Variants in CTDSPL2 observed in about 807,000 individuals in gnomAD.
CTDSPL2 encodes the protein CTD small phosphatase-like protein 2.
Under a neutral mutation model 60.0 loss-of-function variants are expected in CTDSPL2, and 5 were observed. The ratio of observed to expected loss-of-function variants is 0.08; its 90% CI spans 0.04 to 0.18. The LOEUF is 0.18. Among genes scored for constraint, CTDSPL2 ranks in the 10% least tolerant of loss-of-function variants. The pLI is 1.00. For missense variants in CTDSPL2, 370 were observed against 548.8 expected, an observed-to-expected ratio of 0.67 and a Z score of 3.26; for synonymous variants, 186 against 189.3, an observed-to-expected ratio of 0.98 and a Z score of 0.14.
chr15:44,523,083 G>A (rs2081810644), intron 12 of CTDSPL2, among the ~76,000 whole-genome samples: 1 of 151,938 alleles, frequency 6.6e-6, no homozygotes, highest in Non-Finnish European at 1.5e-5. Context: ...TGCAGCCTCC[G>A]CCTCCCATGT....
chr15:44,489,191 T>A (rs906604585), intron 4 of CTDSPL2, among the ~76,000 whole-genome samples: 2 of 136,964 alleles, frequency 1.5e-5, no homozygotes, highest in African/African-American at 5.3e-5. Context: ...TCTGTGTCTC[T>A]GTTTTATTTG....
intron 7 of CTDSPL2, among the ~76,000 whole-genome samples, chr15:44,498,297 G>A (rs1032014706): frequency 5.9e-5 from 9 of 152,244 alleles, no homozygotes; most frequent in African/African-American, 2.2e-4. Context: ...TTGGAGATGT[G>A]GTTTAGCTCT....
At chr15:44,464,334 C>T (rs901235093) in intron 2 of CTDSPL2, among the ~76,000 whole-genome samples, 18 of 152,196 alleles carry the variant, frequency 1.2e-4, no homozygotes, top group East Asian at 1.9e-4. Flanking sequence ...TAATAACTTG[C>T]GCAAAGTTAC....
chr15:44,513,641 G>A (rs2081603497), intron 8 of CTDSPL2, among the ~76,000 whole-genome samples: 1 of 152,120 alleles, frequency 6.6e-6, no homozygotes, highest in Non-Finnish European at 1.5e-5. Context: ...GCTACCACAA[G>A]GTGTTTGGTT....
chr15:44,486,767 T>C (rs1412443931), intron 4 of CTDSPL2, 67 bp downstream of exon 4: 1 of 1,252,766 alleles, frequency 8.0e-7, no homozygotes, highest in African/African-American at 1.6e-5. Flanking sequence ...GGTTTTTTTT[T>C]TTTTTTTTTC....
chr15:44,513,997 C>T (rs960890000), intron 8 of CTDSPL2, among the ~76,000 whole-genome samples: 18 of 152,120 alleles, frequency 1.2e-4, no homozygotes, highest in Non-Finnish European at 2.5e-4. Context: ...ATTTTAATCT[C>T]AAGTAGCCAA....
intron 1 of CTDSPL2, among the ~76,000 whole-genome samples, chr15:44,458,658 A>G (rs1228630406): frequency 6.6e-6 from 1 of 152,212 alleles, no homozygotes; most frequent in Non-Finnish European, 1.5e-5. Context: ...TATTTGTCGA[A>G]CGAACGATTA....
At chr15:44,494,909 C>G (rs117474893) in intron 5 of CTDSPL2, among the ~76,000 whole-genome samples, 2,923 of 152,240 alleles carry the variant, frequency 0.019, 36 homozygotes, top group Middle Eastern at 0.031. Flanking sequence ...GATTGAGACT[C>G]CGCCTCAACA....
chr15:44,484,611 A>T (rs1240403609), intron 3 of CTDSPL2, among the ~76,000 whole-genome samples: 1 of 152,140 alleles, frequency 6.6e-6, no homozygotes, highest in Non-Finnish European at 1.5e-5. Flanking sequence ...GTGGTGGCGC[A>T]TGCCTGTAAT....
At chr15:44,452,013 A>C (rs2080343294) in intron 1 of CTDSPL2, among the ~76,000 whole-genome samples, 1 of 152,182 alleles carries the variant, frequency 6.6e-6, no homozygotes, top group Non-Finnish European at 1.5e-5. Context: ...AAAGAATCAG[A>C]AATGTAGACT....
chr15:44,454,807 C>G (rs1461607119), intron 1 of CTDSPL2, among the ~76,000 whole-genome samples: 3 of 152,162 alleles, frequency 2.0e-5, no homozygotes, highest in Non-Finnish European at 4.4e-5. Context: ...GGTACCAGTA[C>G]CATGCTGTTT....
At chr15:44,513,294 C>T (rs375951933) in intron 8 of CTDSPL2, among the ~76,000 whole-genome samples, 2 of 151,896 alleles carry the variant, frequency 1.3e-5, no homozygotes, top group East Asian at 1.9e-4. Flanking sequence ...GGCGAAACCC[C>T]GTCTCTACTA....
chr15:44,458,844 G>T (rs773259725), intron 1 of CTDSPL2, 147 bp from the exon 2 acceptor site: 8 of 407,800 alleles, frequency 2.0e-5, no homozygotes, highest in Non-Finnish European at 3.0e-5. Context: ...TTAAAATGTT[G>T]GTTTCTTACT....
At chr15:44,437,995 T>G (rs576280893) in intron 1 of CTDSPL2, among the ~76,000 whole-genome samples, 2 of 152,286 alleles carry the variant, frequency 1.3e-5, no homozygotes, top group African/African-American at 4.8e-5. Context: ...CTGGGTGCAG[T>G]GGCTCACGCC....
intron 2 of CTDSPL2, among the ~76,000 whole-genome samples, chr15:44,463,114 C>A (rs190969833): frequency 2.0e-5 from 3 of 152,014 alleles, no homozygotes; most frequent in African/African-American, 4.8e-5. Context: ...TACATAAGAT[C>A]GGGCAAAAAT....
At chr15:44,467,721 G>A (rs762276566) in intron 2 of CTDSPL2, among the ~76,000 whole-genome samples, 17 of 151,992 alleles carry the variant, frequency 1.1e-4, no homozygotes, top group African/African-American at 2.4e-4. Context: ...TTACAGGCAC[G>A]TGACACCATG....
chr15:44,450,423 C>T (rs1444758707), intron 1 of CTDSPL2, among the ~76,000 whole-genome samples: 1 of 151,776 alleles, frequency 6.6e-6, no homozygotes, highest in Non-Finnish European at 1.5e-5. Flanking sequence ...AAGAAACTGT[C>T]TTAAGGAAAG....
At chr15:44,433,803 A>T (rs1219208721) in intron 1 of CTDSPL2, among the ~76,000 whole-genome samples, 2 of 152,044 alleles carry the variant, frequency 1.3e-5, no homozygotes, top group Non-Finnish European at 1.5e-5. Context: ...TACAAAAAAA[A>T]TTAGCTGGGC....
At chr15:44,468,318 TA>T (rs2080737496) in intron 2 of CTDSPL2, among the ~76,000 whole-genome samples, 1 of 152,178 alleles carries the variant, frequency 6.6e-6, no homozygotes, top group East Asian at 1.9e-4. Flanking sequence ...TTTGACATCA[TA>T]TTTTGTTGGT....
Sources: allele counts gnomAD v4.1 joint callset (sites outside exome capture counted in the v4.1 genomes callset), GRCh38; gene constraint gnomAD v4.1.1; transcripts MANE v1.5; gene names NCBI Gene and HGNC (gene_info 2026-07-23, HGNC 2026-07-21).